The following CACNA1C variants were observed in gnomAD, a reference collection of about 807,000 sequenced individuals.
The protein encoded by CACNA1C is voltage-dependent L-type calcium channel subunit alpha-1C.
Under a neutral mutation model 229.0 loss-of-function variants are expected in CACNA1C, and 30 were observed. That is an observed-to-expected ratio of 0.13 (90% CI 0.10 to 0.18). CACNA1C has a LOEUF of 0.18. Ranked by LOEUF, CACNA1C falls within the 10% of genes least tolerant of loss-of-function variation. The pLI is 1.00. For missense variants in CACNA1C, 1,658 were observed against 2,845.0 expected (o/e 0.58, Z 9.49); for synonymous variants, 1,114 against 1,132.5 (o/e 0.98, Z 0.33).
intron 1 of CACNA1C, among the ~76,000 whole-genome samples, chr12:2,070,203 A>G (rs1230218012): frequency 1.3e-5 from 2 of 152,240 alleles, no homozygotes; most frequent in East Asian, 1.9e-4. Flanking sequence ...CTTCAAAAAT[A>G]GTACCAGAGA....
intron 1 of CACNA1C, among the ~76,000 whole-genome samples, chr12:2,060,620 C>T (rs1316579488): frequency 6.6e-6 from 1 of 152,224 alleles, no homozygotes; most frequent in Non-Finnish European, 1.5e-5. Flanking sequence ...ATGAGCCAGG[C>T]TCATGCTTAG....
chr12:2,546,581 G>C (rs566460859), intron 9 of CACNA1C, among the ~76,000 whole-genome samples: 2 of 150,152 alleles, frequency 1.3e-5, no homozygotes, highest in African/African-American at 4.9e-5. Flanking sequence ...AGGTGTCTTC[G>C]TGCTCTCCCG....
intron 1 of CACNA1C, among the ~76,000 whole-genome samples, chr12:2,030,151 G>A (rs1034897077): frequency 6.6e-6 from 1 of 152,168 alleles, no homozygotes; most frequent in African/African-American, 2.4e-5. Context: ...CAATGTTGAG[G>A]TGTTCCATTT....
At position 2,067,477 on chromosome 12, in the gene CACNA1C, T is replaced by TGTGTGCGCGC. The variant is rs1462886975; in HGVS notation, c.49+13874_49+13883dup. Among the ~76,000 whole-genome samples, 6 of 131,604 alleles carry TGTGTGCGCGC rather than the reference T, an allele frequency of 4.6e-5. No homozygotes were observed. Among genetic ancestry groups the TGTGTGCGCGC allele is most frequent in the African/African-American group, 1.6e-4 (6 of 37,556 alleles). 86.3% of individuals were successfully genotyped at this position (131,604 alleles called of 152,430 possible). On this transcript the variant is annotated intron_variant, in intron 1 of 46. Transcript: ENST00000399655. The surrounding 1 kb of genome is among the most constrained non-coding windows in gnomAD (Gnocchi z 5.3). ...GTGTGTGTGTGTGTGTGTGTGTGTG[T>TGTGTGCGCGC]GTGTGCGCGCGTGTGCGTGCCTGTA... is the stretch of plus-strand genomic sequence containing the variant.
At chr12:2,534,431 G>C (rs1027424443) in intron 9 of CACNA1C, among the ~76,000 whole-genome samples, 2 of 152,238 alleles carry the variant, frequency 1.3e-5, no homozygotes, top group Non-Finnish European at 2.9e-5. Context: ...CAGAAGATGA[G>C]AGAATTACGT....
intron 3 of CACNA1C, among the ~76,000 whole-genome samples, chr12:2,265,123 G>T (rs1346990978): frequency 2.0e-5 from 3 of 152,244 alleles, no homozygotes; most frequent in Non-Finnish European, 4.4e-5. Flanking sequence ...CAGTGAGTTT[G>T]AAGATCAGCA....
rs1225240481 is a variant in CACNA1C at position 1,992,739 on chromosome 12, A to C, written c.139+21538A>C. 6 of 182,266 alleles carry C rather than the reference A, an allele frequency of 3.3e-5. No individual in the cohort carries two copies. The South Asian group carries it at 3.8e-4, about 12-fold the overall frequency. 11.3% of individuals were successfully genotyped at this position (182,266 alleles called of 1,614,324 possible). ...TACCTACTACGACTTCCACATTACA[A>C]AGGGTTATTAAATTCTTAATGACTG... On this transcript the variant is annotated intron_variant, in intron 1 of 46. Transcript: ENST00000682462.
intron 3 of CACNA1C, among the ~76,000 whole-genome samples, chr12:2,376,490 G>A (rs1165801337): frequency 6.6e-6 from 1 of 152,186 alleles, no homozygotes; most frequent in Non-Finnish European, 1.5e-5. Context: ...TCTCAGCAAA[G>A]ATGAGTGGGT....
chr12:2,282,817 T>C (rs1014242086), intron 3 of CACNA1C, among the ~76,000 whole-genome samples: 1 of 152,244 alleles, frequency 6.6e-6, no homozygotes, highest in African/African-American at 2.4e-5. Flanking sequence ...TTAAGGACTC[T>C]GAATTGGTTC....
At chr12:2,409,701 C>A (rs1052811830) in intron 3 of CACNA1C, among the ~76,000 whole-genome samples, 6 of 152,176 alleles carry the variant, frequency 3.9e-5, no homozygotes, top group East Asian at 3.9e-4. Context: ...TCCTCGCAGT[C>A]CCCCCCAAAC....
chr12:2,458,207 C>T (rs1425496808), intron 5 of CACNA1C, among the ~76,000 whole-genome samples: 4 of 152,230 alleles, frequency 2.6e-5, no homozygotes, highest in Non-Finnish European at 5.9e-5. Context: ...CAGCCCAGGC[C>T]TCAGGAGCCC....
At chr12:2,288,467 A>C (rs2093030227) in intron 3 of CACNA1C, among the ~76,000 whole-genome samples, 1 of 152,132 alleles carries the variant, frequency 6.6e-6, no homozygotes, top group African/African-American at 2.4e-5. Context: ...CTCCCCATCA[A>C]AGGTGTTTGC....
chr12:2,277,996 GCCAC>G (rs2089568193), intron 3 of CACNA1C, among the ~76,000 whole-genome samples: 1 of 152,218 alleles, frequency 6.6e-6, no homozygotes, highest in African/African-American at 2.4e-5. Flanking sequence ...GGCTGGCCAG[GCCAC>G]CCATGCTGGG....
At chr12:2,119,556 T>G (rs1241174555) in intron 2 of CACNA1C, among the ~76,000 whole-genome samples, 1 of 152,220 alleles carries the variant, frequency 6.6e-6, no homozygotes, top group Non-Finnish European at 1.5e-5. Context: ...CCTGCACTAC[T>G]ACTGGTGAGG....
intron 1 of CACNA1C, among the ~76,000 whole-genome samples, chr12:2,107,211 G>C (rs1250503576): frequency 6.9e-6 from 1 of 144,758 alleles, no homozygotes; most frequent in East Asian, 2.2e-4. Context: ...CAGCTGGGGT[G>C]TCCTGAAGCC....
Position 2,216,136 on chromosome 12 carries a change from G to A in CACNA1C, c.477+95706G>A, listed in dbSNP as rs562755714. On this transcript the variant is annotated intron_variant, in intron 3 of 46. Coordinates refer to ENST00000399655, the MANE Select transcript of CACNA1C (RefSeq NM_000719.7). ...GGGCACGCCAATTAACTAGCTGGGA[G>A]TCTTGGGCAAGAGCGAGGGGAGGCC... 2.5e-3 allele frequency among the ~76,000 whole-genome samples: 387 copies of A among 152,322 alleles called. 5 individuals carry two copies. The highest frequency in any genetic ancestry group is 8.7e-3 in the African/African-American group (362 of 41,574).
At chr12:2,122,716 A>G (rs1370703537) in intron 3 of CACNA1C, among the ~76,000 whole-genome samples, 15 of 152,174 alleles carry the variant, frequency 9.9e-5, no homozygotes, top group Admixed American at 2.6e-4. Context: ...TGGGGAGCTC[A>G]TCTGTGTCCA....
At chr12:2,229,732 T>C (rs188205378) in intron 3 of CACNA1C, among the ~76,000 whole-genome samples, 4 of 152,256 alleles carry the variant, frequency 2.6e-5, no homozygotes, top group East Asian at 3.9e-4. Context: ...GCAGAGGGAA[T>C]TGCAGTTACA....
intron 3 of CACNA1C, among the ~76,000 whole-genome samples, chr12:2,351,421 G>A (rs1195790322): frequency 1.3e-5 from 2 of 152,130 alleles, no homozygotes; most frequent in Non-Finnish European, 2.9e-5. Context: ...CTGCTGAAGC[G>A]GCCTGGAATA....
Sources: allele counts gnomAD v4.1 joint callset (sites outside exome capture counted in the v4.1 genomes callset), GRCh38; gene constraint gnomAD v4.1.1; non-coding constraint Gnocchi (gnomAD v3.1); transcripts MANE v1.5; gene names NCBI Gene and HGNC (gene_info 2026-07-23, HGNC 2026-07-21).